PACRG: variants seen among roughly 807,000 people sequenced by gnomAD.
PACRG encodes parkin coregulated gene protein.
PACRG carries 29 observed loss-of-function variants against 29.7 expected under a neutral mutation model. That is an observed-to-expected ratio of 0.98 (90% CI 0.73 to 1.33). PACRG has a LOEUF of 1.33. Among genes scored for constraint, PACRG ranks in the 40% most tolerant of loss-of-function variants. The pLI is 0.00. For synonymous variants in PACRG, 116 were observed against 118.7 expected, an observed-to-expected ratio of 0.98 and a Z score of 0.15; for missense variants, 279 against 316.2, an observed-to-expected ratio of 0.88 and a Z score of 0.89.
intron 3 of PACRG, among the ~76,000 whole-genome samples, chr6:163,071,629 T>C (rs1287588306): frequency 7.1e-6 from 1 of 140,360 alleles, no homozygotes; most frequent in African/African-American, 2.7e-5. Flanking sequence ...CTTAAAGAAC[T>C]AGAAAAGTAA....
chr6:162,996,458 C>T (rs1474173428), intron 2 of PACRG, among the ~76,000 whole-genome samples: 1 of 151,884 alleles, frequency 6.6e-6, no homozygotes, highest in Non-Finnish European at 1.5e-5. Flanking sequence ...AAAATAGACC[C>T]CCCCAAAACC....
At chr6:163,196,945 AG>A (rs1780481967) in intron 4 of PACRG, among the ~76,000 whole-genome samples, 1 of 149,488 alleles carries the variant, frequency 6.7e-6, no homozygotes, top group Non-Finnish European at 1.5e-5. Context: ...ATAGATAGAT[AG>A]ATAGATAGAT....
intron 2 of PACRG, among the ~76,000 whole-genome samples, chr6:162,860,068 T>A (rs1169670820): frequency 4.8e-5 from 2 of 41,692 alleles, no homozygotes; most frequent in African/African-American, 1.0e-4. Context: ...AGCAGGGAGG[T>A]GGGGGTGGGG....
chr6:163,005,720 T>C (rs1805002276), intron 2 of PACRG, among the ~76,000 whole-genome samples: 1 of 150,938 alleles, frequency 6.6e-6, no homozygotes, highest in Non-Finnish European at 1.5e-5. Context: ...ACCTAGTATA[T>C]ATGTTCAAAT....
intron 1 of PACRG, among the ~76,000 whole-genome samples, chr6:162,791,952 C>G (rs557259508): frequency 6.9e-6 from 1 of 144,456 alleles, no homozygotes; most frequent in Admixed American, 6.8e-5. Flanking sequence ...TGGTAGCAGC[C>G]TTCCGAAGTC....
chr6:162,817,142 A>C (rs949479200), intron 2 of PACRG, among the ~76,000 whole-genome samples: 1 of 152,140 alleles, frequency 6.6e-6, no homozygotes, highest in Non-Finnish European at 1.5e-5. Context: ...ACTGGCTGTA[A>C]ACCCCGGCAC....
chr6:163,189,835 G>A (rs1232528943), intron 4 of PACRG: 1 of 152,198 alleles, frequency 6.6e-6, no homozygotes, highest in East Asian at 1.9e-4. Flanking sequence ...ACTGTCCCGG[G>A]CTTATGTGAA....
At chr6:163,095,344 T>C in intron 4 of PACRG, 6 of 985,400 alleles carry the variant, frequency 6.1e-6, no homozygotes, top group Non-Finnish European at 7.2e-6. Flanking sequence ...ACCTCCCTGG[T>C]TGCGCCTGCC....
chr6:162,749,722 G>A (rs542331123), intron 1 of PACRG, among the ~76,000 whole-genome samples: 1 of 152,208 alleles, frequency 6.6e-6, no homozygotes, highest in East Asian at 1.9e-4. Flanking sequence ...GTTTCGCCAT[G>A]TTGGCCAGGC....
intron 2 of PACRG, among the ~76,000 whole-genome samples, chr6:162,833,332 G>C (rs940416898): frequency 1.3e-5 from 2 of 151,950 alleles, no homozygotes; most frequent in Admixed American, 6.6e-5. Flanking sequence ...GTTTAATTTG[G>C]TTGTCTTTCT....
chr6:163,253,645 C>T (rs995547964), intron 4 of PACRG, among the ~76,000 whole-genome samples: 2 of 152,136 alleles, frequency 1.3e-5, no homozygotes, highest in African/African-American at 4.8e-5. Context: ...AAAGAATGTT[C>T]CCCATCACCT....
At chr6:162,820,776 G>T (rs1430583659) in intron 2 of PACRG, among the ~76,000 whole-genome samples, 1 of 152,118 alleles carries the variant, frequency 6.6e-6, no homozygotes, top group African/African-American at 2.4e-5. Context: ...TCTTGGAATT[G>T]TCCTGGGTTT....
intron 2 of PACRG, among the ~76,000 whole-genome samples, chr6:162,875,149 TCACACACAGATG>T (rs914668068): frequency 1.1e-4 from 16 of 143,096 alleles, no homozygotes; most frequent in Admixed American, 6.4e-4. Flanking sequence ...ACGCAGACAT[TCACACACAGATG>T]CACACACAGA....
At chr6:162,793,746 C>A (rs189217448) in intron 1 of PACRG, among the ~76,000 whole-genome samples, 10 of 152,264 alleles carry the variant, frequency 6.6e-5, no homozygotes, top group South Asian at 2.1e-4. Flanking sequence ...TCTTACAGGT[C>A]CAAATACAAG....
At chr6:162,796,360 G>A (rs1211670457) in intron 1 of PACRG, among the ~76,000 whole-genome samples, 1 of 151,902 alleles carries the variant, frequency 6.6e-6, no homozygotes, top group Non-Finnish European at 1.5e-5. Context: ...TGAGATGTTG[G>A]TCCAGGTTCT....
At chr6:162,886,628 C>T (rs1460098389) in intron 2 of PACRG, among the ~76,000 whole-genome samples, 1 of 152,104 alleles carries the variant, frequency 6.6e-6, no homozygotes, top group Non-Finnish European at 1.5e-5. Flanking sequence ...ATTTTTTTTA[C>T]AGTTTTCAAG....
At chr6:163,098,950 G>C (rs1320469636) in intron 4 of PACRG, among the ~76,000 whole-genome samples, 1 of 152,118 alleles carries the variant, frequency 6.6e-6, no homozygotes, top group African/African-American at 2.4e-5. Context: ...TCGCCATCTT[G>C]GTTTTGATGG....
chr6:163,269,830 A>G lies in PACRG; in HGVS notation c.614-44997A>G, dbSNP rs373640401. Among the ~76,000 whole-genome samples the G allele has an allele frequency of 4.8e-4, 23 of 47,588 alleles. 1 individual carries two copies. Among genetic ancestry groups the G allele is most frequent in the South Asian group, 1.3e-3 (2 of 1,508 alleles). The allele number at this position is 47,588 out of a possible 152,430, so 31.2% of individuals were successfully genotyped here. ...GAAGGAAGGAAGGAAGGAGAAAGAAAGAAAGAAAAAGAAAGAAAGAAAGAA... is the reference window on the plus strand; with the variant it reads ...GAAGGAAGGAAGGAAGGAGAAAGAAGGAAAGAAAAAGAAAGAAAGAAAGAA... On this transcript the variant is annotated intron_variant, in intron 4 of 4. Transcript: ENST00000366888.
chr6:162,842,032 A>G (rs1243602788), intron 2 of PACRG, among the ~76,000 whole-genome samples: 4 of 149,926 alleles, frequency 2.7e-5, no homozygotes, highest in East Asian at 2.0e-4. Context: ...GGTCAATTTT[A>G]GAATAGGTGT....
Sources: allele counts gnomAD v4.1 joint callset (sites outside exome capture counted in the v4.1 genomes callset), GRCh38; gene constraint gnomAD v4.1.1; transcripts MANE v1.5; gene names NCBI Gene and HGNC (gene_info 2026-07-23, HGNC 2026-07-21).